The following ITPRID1 variants were observed in gnomAD, a reference collection of about 807,000 sequenced individuals.
ITPRID1 encodes protein ITPRID1.
In ITPRID1, 96 loss-of-function variants were observed where a neutral mutation model predicts 95.4. The observed-to-expected ratio is 1.01, with a 90% CI of 0.85 to 1.19. The LOEUF (loss-of-function observed/expected upper bound fraction) is 1.19, where lower values mean the gene tolerates loss of function less well. Among genes scored for constraint, ITPRID1 ranks in the 50% most tolerant of loss-of-function variants. ITPRID1 has a pLI of 0.00. For missense variants in ITPRID1, 1,339 were observed against 1,252.9 expected (o/e 1.07, Z -1.04); for synonymous variants, 510 against 453.6 (o/e 1.12, Z -1.58).
chr7:31,584,178 A>G (rs1256562621), intron 10 of ITPRID1, among the ~76,000 whole-genome samples: 1 of 152,240 alleles, frequency 6.6e-6, no homozygotes, highest in African/African-American at 2.4e-5. Flanking sequence ...AATACAGCAG[A>G]TGAAGCTCAT....
chr7:31,639,852 G>A (rs1392849602), intron 10 of ITPRID1, among the ~76,000 whole-genome samples: 1 of 152,076 alleles, frequency 6.6e-6, no homozygotes. Flanking sequence ...TTTAATAAAT[G>A]TTTTAATGCT....
chr7:31,518,050 T>C (rs1783105673), intron 1 of ITPRID1: 2 of 152,362 alleles, frequency 1.3e-5, no homozygotes, highest in Non-Finnish European at 2.9e-5. Flanking sequence ...CCTGGGTTTT[T>C]TGGGTGGGGC....
intron 5 of ITPRID1, among the ~76,000 whole-genome samples, chr7:31,568,166 T>C (rs959838619): frequency 6.6e-6 from 1 of 151,716 alleles, no homozygotes. Context: ...CAGTAATACA[T>C]CTCCAGTCTT....
intron 1 of ITPRID1, among the ~76,000 whole-genome samples, chr7:31,519,632 A>G (rs28465586): frequency 8.5e-6 from 1 of 117,660 alleles, no homozygotes; most frequent in Non-Finnish European, 1.8e-5. Context: ...ATATATATAT[A>G]TATATATATA....
At chr7:31,593,817 T>C (rs1019931860) in intron 10 of ITPRID1, among the ~76,000 whole-genome samples, 1 of 152,218 alleles carries the variant, frequency 6.6e-6, no homozygotes, top group African/African-American at 2.4e-5. Flanking sequence ...AATAATAATC[T>C]ACTTTTAAAA....
At chr7:31,639,016 A>T (rs1789754080) in intron 10 of ITPRID1, among the ~76,000 whole-genome samples, 1 of 152,124 alleles carries the variant, frequency 6.6e-6, no homozygotes, top group Non-Finnish European at 1.5e-5. Context: ...ACCTCAGGTG[A>T]TCTGCCTGCC....
At chr7:31,594,467 T>G (rs1025808473) in intron 10 of ITPRID1, among the ~76,000 whole-genome samples, 1 of 152,236 alleles carries the variant, frequency 6.6e-6, no homozygotes, top group Non-Finnish European at 1.5e-5. Context: ...AATTGGCATA[T>G]TTTAATTTTC....
chr7:31,517,942 G>GAT (rs1783102014), intron 1 of ITPRID1: 3 of 152,336 alleles, frequency 2.0e-5, no homozygotes, highest in Non-Finnish European at 4.4e-5. Context: ...AGACAGAATA[G>GAT]TGCCTCCCCA....
At chr7:31,600,016 CTA>C (rs1171859114) in intron 10 of ITPRID1, among the ~76,000 whole-genome samples, 2 of 152,006 alleles carry the variant, frequency 1.3e-5, no homozygotes, top group Admixed American at 6.6e-5. Flanking sequence ...TCTATATTTT[CTA>C]TGTGTTTGAA....
At chr7:31,623,216 T>G (rs1010865242) in intron 10 of ITPRID1, among the ~76,000 whole-genome samples, 5 of 151,988 alleles carry the variant, frequency 3.3e-5, no homozygotes, top group African/African-American at 1.2e-4. Context: ...ACTATTCCAA[T>G]CAATAGAAAA....
downstream of ITPRID1, chr7:31,658,423 T>G: frequency 1.4e-6 from 2 of 1,476,070 alleles, no homozygotes; most frequent in Non-Finnish European, 1.8e-6. Context: ...AATAATCAGT[T>G]TCCAGAGTAT....
Position 31,553,140 on chromosome 7 carries a change from C to A in ITPRID1, c.116C>A (p.Pro39His). The part of the protein sequence containing the change: ...SAWAPLDEWL[P>H]PDPEEESQSL... ...TGGGCTCCGCTGGATGAGTGGCTGCCCCCTGACCCTGAGGAGGAAAGCCAG... is the reference window on the plus strand; with the variant it reads ...TGGGCTCCGCTGGATGAGTGGCTGCACCCTGACCCTGAGGAGGAAAGCCAG... The change falls in exon 3 of 15, where the codon CCC becomes CAC. Residue 39 changes from proline (P) to histidine (H), a missense_variant. Coordinates refer to ENST00000615280, the MANE Select transcript of ITPRID1 (RefSeq NM_001257967.3). 1.3e-6 allele frequency: 2 copies of A among 1,593,634 alleles called. No homozygotes were observed. Among genetic ancestry groups the A allele is most frequent in the Non-Finnish European group, 8.6e-7 (1 of 1,169,166 alleles).
At chr7:31,597,163 A>G (rs1330867402) in intron 10 of ITPRID1, among the ~76,000 whole-genome samples, 1 of 152,212 alleles carries the variant, frequency 6.6e-6, no homozygotes, top group East Asian at 1.9e-4. Flanking sequence ...AATTAGAGGC[A>G]TCTATCAAAT....
chr7:31,518,002 G>C (rs997677807), intron 1 of ITPRID1: 2 of 152,354 alleles, frequency 1.3e-5, no homozygotes, highest in Non-Finnish European at 2.9e-5. Flanking sequence ...GACTTTGTAG[G>C]TGTGAGTAAG....
chr7:31,607,065 GTCTT>G (rs918202200), intron 10 of ITPRID1, among the ~76,000 whole-genome samples: 4 of 152,046 alleles, frequency 2.6e-5, no homozygotes, highest in Admixed American at 6.6e-5. Context: ...TAGAGCTCAT[GTCTT>G]TCTTTCTTTG....
Position 31,656,067 on chromosome 7 carries a change from C to T in ITPRID1, c.*3238C>T. ...CCTAGGGCAGACCCCATCTCCTACA[C>T]AGGCTTTCCTTGATGATCTGTGGCA... is the stretch of plus-strand genomic sequence containing the variant. On this transcript the variant is annotated 3_prime_UTR_variant, in exon 15 of 15. Transcript: ENST00000615280. 2.1e-6 allele frequency: 2 copies of T among 951,498 alleles called. No individual in the cohort carries two copies. Among genetic ancestry groups the T allele is most frequent in the Non-Finnish European group, 2.5e-6 (2 of 799,006 alleles). 58.9% of individuals were successfully genotyped at this position (951,498 alleles called of 1,614,324 possible). A position where few individuals can be genotyped will look rare whatever the true frequency, so the allele number is the denominator to read the frequency against.
intron 9 of ITPRID1, among the ~76,000 whole-genome samples, chr7:31,579,359 G>A (rs1170254966): frequency 6.6e-6 from 1 of 152,098 alleles, no homozygotes; most frequent in African/African-American, 2.4e-5. Context: ...TAAAAGTAGG[G>A]CAGGATATTT....
intron 1 of ITPRID1, among the ~76,000 whole-genome samples, chr7:31,532,452 A>T (rs544765356): frequency 6.6e-6 from 1 of 152,342 alleles, no homozygotes; most frequent in South Asian, 2.1e-4. Flanking sequence ...GGAAGTGCTC[A>T]GTCTTTCATT....
rs977112487 is a variant in ITPRID1 at position 31,577,970 on chromosome 7, G to C, written c.706G>C (p.Glu236Gln). The change falls in exon 9 of 15, where the codon GAG becomes CAG. Residue 236 changes from glutamate (E) to glutamine (Q), a missense_variant. Coordinates refer to ENST00000615280, the MANE Select transcript of ITPRID1 (RefSeq NM_001257967.3). ...PNRAEEKAGG[E>Q]SVQRTSVSAA... is the part of the protein sequence containing the mutation. ...CAGAGCTGAAGAGAAAGCTGGAGGA[G>C]AGAGTGTGCAAAGAACCTCAGTGAG... is the stretch of plus-strand genomic sequence containing the variant. 2 of 1,613,760 alleles carry C rather than the reference G, an allele frequency of 1.2e-6. No individual in the cohort carries two copies. Among genetic ancestry groups the C allele is most frequent in the Middle Eastern group, 3.3e-4 (2 of 6,060 alleles).
Sources: gnomAD v4.1 joint callset for allele counts (sites outside exome capture counted in the v4.1 genomes callset) on GRCh38, gnomAD v4.1.1 for gene constraint, MANE v1.5 for transcripts, NCBI Gene and HGNC (gene_info 2026-07-23, HGNC 2026-07-21) for gene names.